Variants in NKAIN2 observed in about 807,000 individuals in gnomAD.
The protein encoded by NKAIN2 is sodium/potassium-transporting ATPase subunit beta-1-interacting protein 2.
In NKAIN2, 14 loss-of-function variants were observed where a neutral mutation model predicts 32.6. The observed-to-expected ratio is 0.43, with a 90% CI of 0.28 to 0.67. The LOEUF (loss-of-function observed/expected upper bound fraction) is 0.67. NKAIN2 is among the 30% of genes least tolerant of loss of function. NKAIN2 has a pLI of 0.17. For synonymous variants in NKAIN2, 80 were observed against 87.2 expected (o/e 0.92, Z 0.46); for missense variants, 198 against 258.3 (o/e 0.77, Z 1.60).
At position 124,475,212 on chromosome 6, in the gene NKAIN2, T is replaced by C. The variant is rs180931000; in HGVS notation, c.273+119865T>C. 3.9e-5 allele frequency among the ~76,000 whole-genome samples: 6 copies of C among 152,196 alleles called. No individual in the cohort carries two copies. In the East Asian group the frequency reaches 7.7e-4, roughly 20 times the overall value. Reference sequence around the variant, plus strand: ...TTCAGTTAACATAGGCATTGATCTTTTGTGAACCTGAGCAGGGTGGCCTCG... The same window carrying C: ...TTCAGTTAACATAGGCATTGATCTTCTGTGAACCTGAGCAGGGTGGCCTCG... On this transcript the variant is annotated intron_variant, in intron 3 of 6. Coordinates refer to ENST00000368417, the MANE Select transcript of NKAIN2 (RefSeq NM_001040214.3).
chr6:124,716,999 A>G (rs1164357751), intron 4 of NKAIN2, among the ~76,000 whole-genome samples: 1 of 152,244 alleles, frequency 6.6e-6, no homozygotes, highest in African/African-American at 2.4e-5. Flanking sequence ...AATAAATGCC[A>G]TCACATATGT....
intron 4 of NKAIN2, among the ~76,000 whole-genome samples, chr6:124,695,051 G>GT (rs1284012434): frequency 6.7e-6 from 1 of 150,146 alleles, no homozygotes; most frequent in African/African-American, 2.5e-5. Context: ...CTTCCTCCTT[G>GT]TTTTTTTATT....
At position 123,891,804 on chromosome 6, in the gene NKAIN2, C is replaced by CTAT. The variant is rs1774031858; in HGVS notation, c.54+87552_54+87554dup. The stretch of plus-strand genomic sequence containing the variant: ...AAGGTTGGAGTATAATGCCAAATTT[C>CTAT]TATTTCTTGCTTTACTTTTTTTGAA... On this transcript the variant is annotated intron_variant, in intron 1 of 6. Coordinates refer to ENST00000368417, the MANE Select transcript of NKAIN2 (RefSeq NM_001040214.3). 2.0e-5 allele frequency among the ~76,000 whole-genome samples: 3 copies of CTAT among 152,264 alleles called. No individual in the cohort carries two copies. In the South Asian group the frequency reaches 6.2e-4, roughly 32 times the overall value.
At chr6:124,619,026 A>C (rs1330729649) in intron 3 of NKAIN2, among the ~76,000 whole-genome samples, 1 of 152,128 alleles carries the variant, frequency 6.6e-6, no homozygotes, top group Non-Finnish European at 1.5e-5. Context: ...AGGTTTCCAC[A>C]AAATTGAAAA....
rs149406029 is a variant in NKAIN2 at position 124,465,709 on chromosome 6, C to T, written c.273+110362C>T. Among the ~76,000 whole-genome samples, 372 of 150,972 alleles carry T rather than the reference C, an allele frequency of 2.5e-3. 2 individuals carry two copies. Among genetic ancestry groups the T allele is most frequent in the African/African-American group, 7.5e-3 (309 of 41,138 alleles). On this transcript the variant is annotated intron_variant, in intron 3 of 6. Coordinates refer to ENST00000368417, the MANE Select transcript of NKAIN2 (RefSeq NM_001040214.3). ...ATGTAAGATTGTGCTATAGAAACTA[C>T]ATGGTCACCTCCATTTCTAAATTGT...
chr6:124,302,989 A>G (rs926606849), intron 2 of NKAIN2, among the ~76,000 whole-genome samples: 5 of 152,158 alleles, frequency 3.3e-5, no homozygotes, highest in Admixed American at 1.3e-4. Flanking sequence ...AGGAATTTGG[A>G]CCTTTTATGT....
At chr6:124,185,384 A>G (rs1789665572) in intron 1 of NKAIN2, among the ~76,000 whole-genome samples, 1 of 152,192 alleles carries the variant, frequency 6.6e-6, no homozygotes, top group South Asian at 2.1e-4. Context: ...GTCAGCTACA[A>G]AGCCCTAGGG....
chr6:124,233,850 T>C (rs561717082), intron 1 of NKAIN2, among the ~76,000 whole-genome samples: 30 of 152,314 alleles, frequency 2.0e-4, no homozygotes, highest in African/African-American at 7.2e-4. Context: ...GTGATCACTA[T>C]ACTATACGAA....
In NKAIN2 at chr6:124,740,093, C is replaced by T. The variant is rs574682946; in HGVS notation, c.475-51246C>T. Among the ~76,000 whole-genome samples the T allele has an allele frequency of 4.7e-3, 708 of 151,584 alleles. 8 individuals are homozygous for T. Among genetic ancestry groups the T allele is most frequent in the Non-Finnish European group, 5.5e-3 (371 of 67,788 alleles). ...CTTTTCTCCTAGTCTTCACTCAAAA[C>T]TTCTCATTCAAAATAACTAAAAGTT... is the stretch of plus-strand genomic sequence containing the variant. On this transcript the variant is annotated intron_variant, in intron 4 of 6. Coordinates refer to ENST00000368417, the MANE Select transcript of NKAIN2 (RefSeq NM_001040214.3).
At chr6:124,300,981 G>A (rs1345772680) in intron 2 of NKAIN2, among the ~76,000 whole-genome samples, 1 of 152,150 alleles carries the variant, frequency 6.6e-6, no homozygotes, top group Non-Finnish European at 1.5e-5. Flanking sequence ...AAGTAACAAG[G>A]AGCCAAATGC....
chr6:124,139,956 G>T (rs1016842965), intron 1 of NKAIN2, among the ~76,000 whole-genome samples: 2 of 152,166 alleles, frequency 1.3e-5, no homozygotes, highest in Admixed American at 1.3e-4. Flanking sequence ...CTTATGCACA[G>T]ATGTTATTAA....
intron 3 of NKAIN2, among the ~76,000 whole-genome samples, chr6:124,615,411 G>A (rs1051823540): frequency 8.5e-5 from 13 of 152,252 alleles, no homozygotes; most frequent in African/African-American, 2.2e-4. Context: ...TTCAGAATAC[G>A]ATAACAGAAT....
At chr6:124,788,562 A>T (rs1312898110) in intron 4 of NKAIN2, among the ~76,000 whole-genome samples, 2 of 152,112 alleles carry the variant, frequency 1.3e-5, no homozygotes, top group Non-Finnish European at 2.9e-5. Flanking sequence ...CCTTCTTCAG[A>T]TGGTGGCAGC....
intron 3 of NKAIN2, among the ~76,000 whole-genome samples, chr6:124,615,929 C>A (rs971320726): frequency 1.3e-5 from 2 of 151,944 alleles, no homozygotes; most frequent in Non-Finnish European, 2.9e-5. Context: ...ATTTTAATTT[C>A]TCTTATAGTT....
chr6:123,955,971 C>T (rs78030730), intron 1 of NKAIN2, among the ~76,000 whole-genome samples: 7,530 of 152,076 alleles, frequency 0.05, 575 homozygotes, highest in African/African-American at 0.16. Context: ...CATTCTTAAA[C>T]TTTATGTAAT....
At chr6:124,760,705 T>C (rs965802502) in intron 4 of NKAIN2, among the ~76,000 whole-genome samples, 1 of 152,036 alleles carries the variant, frequency 6.6e-6, no homozygotes. Flanking sequence ...TAGGATAAGT[T>C]CATATTAAGA....
intron 1 of NKAIN2, among the ~76,000 whole-genome samples, chr6:124,004,582 A>G (rs1779999809): frequency 6.6e-6 from 1 of 151,908 alleles, no homozygotes; most frequent in South Asian, 2.1e-4. Flanking sequence ...GTTTCATCCA[A>G]CCATCATTCT....
intron 3 of NKAIN2, among the ~76,000 whole-genome samples, chr6:124,626,000 T>A (rs992005346): frequency 3.8e-4 from 58 of 151,888 alleles, no homozygotes; most frequent in African/African-American, 1.3e-3. Flanking sequence ...TATGCAGGTT[T>A]GTTACATATG....
At chr6:124,791,772 T>G (rs768966118) in intron 5 of NKAIN2, among the ~76,000 whole-genome samples, 2 of 152,126 alleles carry the variant, frequency 1.3e-5, no homozygotes, top group African/African-American at 2.4e-5. Flanking sequence ...ACTAACCAGT[T>G]TTACCCAAGA....
Sources: gnomAD v4.1 joint callset for allele counts (sites outside exome capture counted in the v4.1 genomes callset) on GRCh38, gnomAD v4.1.1 for gene constraint, MANE v1.5 for transcripts, NCBI Gene and HGNC (gene_info 2026-07-23, HGNC 2026-07-21) for gene names.